Variants in TIAM2 observed in about 807,000 individuals in gnomAD.
The protein encoded by TIAM2 is rho guanine nucleotide exchange factor TIAM2.
Under a neutral mutation model 152.9 loss-of-function variants are expected in TIAM2, and 80 were observed. The observed-to-expected ratio is 0.52, with a 90% confidence interval of 0.44 to 0.63. TIAM2 has a LOEUF of 0.63. Among genes scored for constraint, TIAM2 ranks in the 30% least tolerant of loss-of-function variants. The pLI, the probability that TIAM2 is intolerant of heterozygous loss-of-function variation, is 0.00. For synonymous variants in TIAM2, 804 were observed against 838.0 expected (o/e 0.96, Z 0.70); for missense variants, 1,965 against 2,120.1 (o/e 0.93, Z 1.44).
At chr6:155,002,094 G>C (rs949950147) in intron 1 of TIAM2, among the ~76,000 whole-genome samples, 2 of 152,188 alleles carry the variant, frequency 1.3e-5, no homozygotes, top group African/African-American at 4.8e-5. Context: ...ATATTGTTTT[G>C]AGGATTGAGA....
At chr6:155,111,298 TACACACACAC>T (rs57988099) in intron 2 of TIAM2, among the ~76,000 whole-genome samples, 7,240 of 138,414 alleles carry the variant, frequency 0.052, 215 homozygotes, top group Non-Finnish European at 0.077. Flanking sequence ...ATTCTTGGAA[TACACACACAC>T]ACACACACAC....
intron 9 of TIAM2, chr6:155,168,867 A>T (rs750423493): frequency 7.8e-6 from 12 of 1,535,722 alleles, no homozygotes; most frequent in Non-Finnish European, 2.6e-6. Flanking sequence ...AGTGGCAGCC[A>T]TGGATTTTCT....
intron 1 of TIAM2, among the ~76,000 whole-genome samples, chr6:155,018,329 A>G (rs1778634930): frequency 6.6e-6 from 1 of 151,568 alleles, no homozygotes; most frequent in African/African-American, 2.4e-5. Context: ...TTTTTTCAAT[A>G]TGGTCACTAG....
At chr6:155,197,028 A>T (rs575127799) in intron 14 of TIAM2, among the ~76,000 whole-genome samples, 2 of 152,374 alleles carry the variant, frequency 1.3e-5, no homozygotes, top group African/African-American at 4.8e-5. Flanking sequence ...ATTATTGTGT[A>T]TCTTCTGTTA....
intron 1 of TIAM2, among the ~76,000 whole-genome samples, chr6:155,071,204 A>G (rs1371000456): frequency 6.6e-6 from 1 of 152,056 alleles, no homozygotes; most frequent in Non-Finnish European, 1.5e-5. Context: ...ATATTTAGAG[A>G]CAGGTGTGTT....
intron 1 of TIAM2, among the ~76,000 whole-genome samples, chr6:155,032,303 TC>T (rs933678104): frequency 6.6e-6 from 1 of 152,160 alleles, no homozygotes; most frequent in Non-Finnish European, 1.5e-5. Flanking sequence ...CACTTGCCAC[TC>T]ACAGTGTGGT....
intron 14 of TIAM2, among the ~76,000 whole-genome samples, chr6:155,193,642 GT>G (rs1159499002): frequency 6.6e-6 from 1 of 152,160 alleles, no homozygotes; most frequent in Non-Finnish European, 1.5e-5. Context: ...TTGTACATAT[GT>G]TTTTCCTCAA....
intron 20 of TIAM2, among the ~76,000 whole-genome samples, chr6:155,248,696 A>T (rs1192023464): frequency 4.6e-5 from 7 of 152,108 alleles, no homozygotes; most frequent in African/African-American, 7.2e-5. Flanking sequence ...TACTGTTTGA[A>T]CCTCTGAAAT....
At chr6:155,166,751 A>G (rs1289205352) in intron 9 of TIAM2, among the ~76,000 whole-genome samples, 1 of 152,222 alleles carries the variant, frequency 6.6e-6, no homozygotes, top group Non-Finnish European at 1.5e-5. Flanking sequence ...TTCATGATGC[A>G]GGTGCATGAT....
At chr6:155,236,705 G>A (rs985115508) in intron 15 of TIAM2, among the ~76,000 whole-genome samples, 1 of 152,144 alleles carries the variant, frequency 6.6e-6, no homozygotes, top group Non-Finnish European at 1.5e-5. Flanking sequence ...TACGTGGATG[G>A]CAGCAGGCAA....
chr6:155,171,963 A>T (rs1010577758), intron 9 of TIAM2, among the ~76,000 whole-genome samples: 7 of 152,016 alleles, frequency 4.6e-5, no homozygotes, highest in Non-Finnish European at 7.4e-5. Context: ...TGATTTTGCT[A>T]CTCACTTCCC....
At position 155,065,079 on chromosome 6, in the gene TIAM2, G is replaced by C. The variant is rs1327304420; in HGVS notation, c.-208-25210G>C. ...CAAGGTTCTCCTGCCTCAGCTTCCTGAGTAGCTGGGACTACAGGCACCCGA... is the reference window on the plus strand; with the variant it reads ...CAAGGTTCTCCTGCCTCAGCTTCCTCAGTAGCTGGGACTACAGGCACCCGA... On this transcript the variant is annotated intron_variant, in intron 1 of 26. Transcript: ENST00000682666. 2.6e-5 allele frequency among the ~76,000 whole-genome samples: 4 copies of C among 152,036 alleles called. No homozygotes were observed. In the East Asian group the frequency reaches 7.7e-4, roughly 29 times the overall value.
At position 155,129,296 on chromosome 6, in the gene TIAM2, C is replaced by A; in HGVS notation, c.73C>A (p.Gln25Lys). The A allele has an allele frequency of 1.2e-6, 2 of 1,614,208 alleles. No individual in the cohort carries two copies. The highest frequency in any genetic ancestry group is 2.2e-5 in the East Asian group (1 of 44,882). The change falls in exon 4 of 27, where the codon CAA becomes AAA. Residue 25 changes from glutamine (Q) to lysine (K), a missense_variant. Transcript: ENST00000682666. The surrounding 1 kb of genome is among the most constrained non-coding windows in gnomAD (Gnocchi z 4.8). ...TAGCAATACTATTACTGGTGCTAAG[C>A]AAATTCCTTGCTCCCTGAAAATACG... Reference protein sequence around the residue: ...NHSNTITGAKQIPCSLKIRGI... With the variant: ...NHSNTITGAKKIPCSLKIRGI...
chr6:155,156,874 C>T lies in TIAM2; in HGVS notation c.2029-7541C>T, dbSNP rs1780130993. 1.3e-5 allele frequency among the ~76,000 whole-genome samples: 2 copies of T among 152,148 alleles called. No homozygotes were observed. The highest frequency in any genetic ancestry group is 1.5e-5 in the Non-Finnish European group (1 of 68,030). The stretch of plus-strand genomic sequence containing the variant: ...TCCCCTCCGCCCTCTTCATCTGGCT[C>T]ACCCCTTCTCGACTGTCATGAAGGG... On this transcript the variant is annotated intron_variant, in intron 7 of 26. Transcript: ENST00000682666. The surrounding 1 kb of genome is among the most constrained non-coding windows in gnomAD (Gnocchi z 4.4).
At chr6:155,040,582 C>T (rs1439721331) in intron 1 of TIAM2, among the ~76,000 whole-genome samples, 5 of 152,048 alleles carry the variant, frequency 3.3e-5, no homozygotes, top group African/African-American at 9.7e-5. Flanking sequence ...GCAGTGGCAC[C>T]ATCTCGGCTC....
At chr6:155,104,756 CAAA>C (rs55914919) in intron 2 of TIAM2, among the ~76,000 whole-genome samples, 1 of 134,160 alleles carries the variant, frequency 7.5e-6, no homozygotes. Flanking sequence ...GACTCTGTCT[CAAA>C]AAAAAAAAAA....
chr6:155,142,515 G>A (rs548157690), intron 5 of TIAM2, among the ~76,000 whole-genome samples: 2 of 152,346 alleles, frequency 1.3e-5, no homozygotes, highest in East Asian at 1.9e-4. Context: ...GAATTTGGAC[G>A]TGTGTGCAGC....
intron 1 of TIAM2, among the ~76,000 whole-genome samples, chr6:155,071,172 T>A (rs1405113281): frequency 8.5e-6 from 1 of 117,306 alleles, no homozygotes; most frequent in African/African-American, 3.3e-5. Context: ...AGACTCAGTG[T>A]CAAAAAAAGA....
rs561334796 is a variant in TIAM2, at chr6:155,079,873, G to A, written c.-208-10416G>A. 2.0e-5 allele frequency among the ~76,000 whole-genome samples: 3 copies of A among 152,222 alleles called. No homozygotes were observed. The East Asian group carries it at 5.9e-4, about 30-fold the overall frequency. ...TGAGGTAGGAGAATCGCTTGAAACT[G>A]GGAGGCAGAGGTTGCAGTGAGACGA... On this transcript the variant is annotated intron_variant, in intron 1 of 26. Transcript: ENST00000682666.
Sources: allele counts gnomAD v4.1 joint callset (sites outside exome capture counted in the v4.1 genomes callset), GRCh38; gene constraint gnomAD v4.1.1; non-coding constraint Gnocchi (gnomAD v3.1); transcripts MANE v1.5; gene names NCBI Gene and HGNC (gene_info 2026-07-23, HGNC 2026-07-21).